The following PRSS12 variants were observed in gnomAD, a reference collection of about 807,000 sequenced individuals.
PRSS12 encodes the protein neurotrypsin.
PRSS12 carries 85 observed loss-of-function variants against 104.4 expected under a neutral mutation model. The observed-to-expected ratio is 0.81, with a 90% confidence interval of 0.68 to 0.98. PRSS12 has a LOEUF of 0.98. PRSS12 is among the 50% of genes least tolerant of loss of function. PRSS12 has a pLI of 0.00. For synonymous variants in PRSS12, 454 were observed against 425.2 expected (o/e 1.07, Z -0.83); for missense variants, 1,141 against 1,139.2 (o/e 1.00, Z -0.02).
chr4:118,303,645 T>C (rs1227154035), intron 8 of PRSS12: 1 of 152,166 alleles, frequency 6.6e-6, no homozygotes, highest in East Asian at 1.9e-4. Flanking sequence ...AATTAGTCTT[T>C]AAACTGGATG....
At chr4:118,335,805 T>C (rs891673431) in intron 2 of PRSS12, among the ~76,000 whole-genome samples, 154 bp from the exon 3 acceptor site, 1 of 152,140 alleles carries the variant, frequency 6.6e-6, no homozygotes, top group Non-Finnish European at 1.5e-5. Flanking sequence ...CTACATCAGT[T>C]TCAAGGAAAT....
In PRSS12 at chr4:118,298,890, T is replaced by G. The variant is rs1186307935; in HGVS notation, c.1680A>C (p.Gly560=). ...RTMAYFGEGK[G]PIHVDNVKCT... ...ACTTCACATTATCCACATGGATGGGTCCTTTTCCTTCTCCAAAGTAAGCCA... is the reference window on the plus strand; with the variant it reads ...ACTTCACATTATCCACATGGATGGGGCCTTTTCCTTCTCCAAAGTAAGCCA... Residue 560 remains glycine (G), a synonymous_variant, in exon 9 of 13, where the codon GGA becomes GGC. Coordinates refer to ENST00000296498, the MANE Select transcript of PRSS12 (RefSeq NM_003619.4). The G allele has an allele frequency of 1.9e-6, 3 of 1,614,170 alleles. No individual in the cohort carries two copies. Among genetic ancestry groups the G allele is most frequent in the Non-Finnish European group, 2.5e-6 (3 of 1,180,030 alleles).
intron 6 of PRSS12, among the ~76,000 whole-genome samples, chr4:118,315,970 T>C (rs1483601960): frequency 6.6e-6 from 1 of 152,072 alleles, no homozygotes; most frequent in East Asian, 1.9e-4. Context: ...AGAAGAGGGG[T>C]CATGGCAGGA....
intron 8 of PRSS12, among the ~76,000 whole-genome samples, chr4:118,301,067 AT>A (rs1270280347): frequency 2.5e-5 from 3 of 118,106 alleles, no homozygotes; most frequent in Non-Finnish European, 4.1e-5. Flanking sequence ...TATTTATTGC[AT>A]TTTTTAAATT....
At position 118,352,895 on chromosome 4, in the gene PRSS12, C is replaced by A; in HGVS notation, c.-175G>T. On this transcript the variant is annotated 5_prime_UTR_variant, in exon 1 of 13. Transcript: ENST00000296498. ...CTTGCCTCCCGCCGCTGGTGCCCTG[C>A]CGCGCCTCGGCTCCTGTCCCCTGGC... 7.1e-7 allele frequency: 1 copy of A among 1,405,100 alleles called. No homozygotes were observed. The highest frequency in any genetic ancestry group is 1.5e-5 in the South Asian group (1 of 65,182). The allele number at this position is 1,405,100 out of a possible 1,614,324, so 87.0% of individuals were successfully genotyped here. A position where few individuals can be genotyped will look rare whatever the true frequency, so the allele number is the denominator to read the frequency against.
intron 2 of PRSS12, among the ~76,000 whole-genome samples, chr4:118,336,399 TA>T (rs3842588): frequency 0.83 from 126,108 of 152,100 alleles, 54,656 homozygotes; most frequent in Non-Finnish European, 0.95. Flanking sequence ...CATTAAATTT[TA>T]AAAAAGGTGA....
intron 7 of PRSS12, among the ~76,000 whole-genome samples, chr4:118,309,450 A>G (rs941950550): frequency 2.8e-5 from 4 of 140,448 alleles, no homozygotes; most frequent in Non-Finnish European, 6.2e-5. Context: ...TGCCATATAC[A>G]AGCTAAGGAG....
chr4:118,318,345 A>C, intron 5 of PRSS12, 33 bp downstream of exon 5: 2 of 1,609,508 alleles, frequency 1.2e-6, no homozygotes, highest in Non-Finnish European at 1.7e-6. Context: ...ACTGGGGGCA[A>C]GAACTGGTAC....
At chr4:118,317,301 T>G (rs1723471416) in intron 5 of PRSS12, among the ~76,000 whole-genome samples, 1 of 152,114 alleles carries the variant, frequency 6.6e-6, no homozygotes, top group Non-Finnish European at 1.5e-5. Flanking sequence ...GTATAATAAA[T>G]TTAATTCCAA....
At chr4:118,316,451 T>C in intron 5 of PRSS12, 128 bp from the exon 6 acceptor site, 1 of 1,151,056 alleles carries the variant, frequency 8.7e-7, no homozygotes, top group East Asian at 2.5e-5. Flanking sequence ...AAACTTACAT[T>C]ACATCTGTGC....
At chr4:118,316,385 A>T (rs1049349890) in intron 5 of PRSS12, 62 bp from the exon 6 acceptor site, 2 of 1,600,554 alleles carry the variant, frequency 1.2e-6, no homozygotes, top group Admixed American at 3.3e-5. Context: ...GCAAAACAAC[A>T]TTTGTATTTC....
intron 1 of PRSS12, among the ~76,000 whole-genome samples, chr4:118,350,073 C>T (rs1418648654): frequency 6.6e-6 from 1 of 152,080 alleles, no homozygotes; most frequent in African/African-American, 2.4e-5. Flanking sequence ...AGTCCAGCAT[C>T]CAACACAGAA....
chr4:118,340,201 G>A (rs2126043515), intron 1 of PRSS12, among the ~76,000 whole-genome samples: 1 of 152,206 alleles, frequency 6.6e-6, no homozygotes, highest in East Asian at 1.9e-4. Context: ...TAGTTTCCAG[G>A]TCAACTATCA....
Position 118,352,649 on chromosome 4 carries a change from G to A in PRSS12, c.72C>T (p.Val24=), listed in dbSNP as rs1337301506. ...ALPEVVGFDS[V]LNDSLHHSHR... ...GGCTGTGGTGGAGGGAATCATTGAG[G>A]ACAGAATCAAAGCCGACCACTTCGG... Residue 24 remains valine, a synonymous_variant, in exon 1 of 13, where the codon GTC becomes GTT. Coordinates refer to ENST00000296498, the MANE Select transcript of PRSS12 (RefSeq NM_003619.4). The A allele has an allele frequency of 1.2e-5, 19 of 1,613,182 alleles. No individual in the cohort carries two copies. Among genetic ancestry groups the A allele is most frequent in the Non-Finnish European group, 3.4e-6 (4 of 1,179,598 alleles).
intron 8 of PRSS12, among the ~76,000 whole-genome samples, chr4:118,299,368 T>C (rs979250052): frequency 1.3e-5 from 2 of 152,204 alleles, no homozygotes; most frequent in Non-Finnish European, 2.9e-5. Flanking sequence ...TTTTTTTGCC[T>C]CCTTTAGAAG....
chr4:118,335,722 GA>G (rs917269467), intron 2 of PRSS12, 71 bp from the exon 3 acceptor site: 61 of 1,371,842 alleles, frequency 4.4e-5, no homozygotes, highest in African/African-American at 3.9e-4. Context: ...ATTTGGATTT[GA>G]AAAAAAATGG....
chr4:118,333,063 GT>G (rs986924181), intron 3 of PRSS12, among the ~76,000 whole-genome samples: 4 of 152,096 alleles, frequency 2.6e-5, no homozygotes, highest in Non-Finnish European at 2.9e-5. Context: ...TGAAAAAGCT[GT>G]TTTTTTAAGA....
At chr4:118,343,851 A>G (rs1209721330) in intron 1 of PRSS12, among the ~76,000 whole-genome samples, 1 of 152,224 alleles carries the variant, frequency 6.6e-6, no homozygotes, top group Non-Finnish European at 1.5e-5. Flanking sequence ...AAATGCAGTA[A>G]AAACAAAGAC....
At chr4:118,320,035 C>T (rs1435037296) in intron 4 of PRSS12, among the ~76,000 whole-genome samples, 1 of 152,138 alleles carries the variant, frequency 6.6e-6, no homozygotes, top group East Asian at 1.9e-4. Flanking sequence ...AGTTAATTTA[C>T]TTCTCCCACA....
Sources: gnomAD v4.1 joint callset for allele counts (sites outside exome capture counted in the v4.1 genomes callset) on GRCh38, gnomAD v4.1.1 for gene constraint, MANE v1.5 for transcripts, NCBI Gene and HGNC (gene_info 2026-07-23, HGNC 2026-07-21) for gene names.